The following MUC15 variants were observed in gnomAD, a reference collection of about 807,000 sequenced individuals.
MUC15 encodes mucin-15.
MUC15 carries 23 observed loss-of-function variants against 24.0 expected under a neutral mutation model. The ratio of observed to expected loss-of-function variants is 0.96; its 90% confidence interval spans 0.69 to 1.36. The LOEUF (loss-of-function observed/expected upper bound fraction) is 1.36. Among genes scored for constraint, MUC15 ranks in the 40% most tolerant of loss-of-function variants. MUC15 has a pLI of 0.00. For missense variants in MUC15, 442 were observed against 428.2 expected, an observed-to-expected ratio of 1.03 and a Z score of -0.29; for synonymous variants, 151 against 156.3, an observed-to-expected ratio of 0.97 and a Z score of 0.25.
chr11:26,563,161 C>T lies in MUC15; in HGVS notation c.880G>A (p.Asp294Asn). 6.2e-7 allele frequency: 1 copy of T among 1,612,142 alleles called. No homozygotes were observed. Among genetic ancestry groups the T allele is most frequent in the African/African-American group, 1.3e-5 (1 of 74,836 alleles). Residue 294 changes from aspartate (D) to asparagine (N), a missense_variant, in exon 4 of 5, where the codon GAT (aspartate) becomes AAT (asparagine). Transcript: ENST00000529533. ...GYLLCGKRKT[D>N]SFSHRRLYDD... ...TAAAGTCGCCGATGGGAAAATGAAT[C>T]CGTTTTCCTTTTTCCACACAACAAG...
chr11:26,561,274 T>C, intron 4 of MUC15, 49 bp from the exon 5 acceptor site: 1 of 1,424,370 alleles, frequency 7.0e-7, no homozygotes, highest in East Asian at 2.7e-5. Flanking sequence ...CTCTGAAAGA[T>C]TCATGTTCAG....
intron 3 of MUC15, among the ~76,000 whole-genome samples, chr11:26,564,732 CATATATAT>C (rs66510170): frequency 0.014 from 357 of 25,026 alleles, 1 homozygote; most frequent in Admixed American, 0.016. Flanking sequence ...CACACACACA[CATATATAT>C]ATATATATAT....
intron 1 of MUC15, 43 bp from the exon 2 acceptor site, chr11:26,567,182 C>T: frequency 1.6e-6 from 2 of 1,237,756 alleles, no homozygotes; most frequent in Non-Finnish European, 2.1e-6. Context: ...AGTCAACTGA[C>T]TCCAATCTCA....
Position 26,559,634 on chromosome 11 carries a change from A to G in MUC15, c.*1431T>C. The G allele has an allele frequency of 1.1e-6, 1 of 919,132 alleles. No homozygotes were observed. Among genetic ancestry groups the G allele is most frequent in the South Asian group, 1.3e-5 (1 of 74,410 alleles). The allele number at this position is 919,132 out of a possible 1,614,324, so 56.9% of individuals were successfully genotyped here. On this transcript the variant is annotated 3_prime_UTR_variant, in exon 5 of 5. Coordinates refer to ENST00000529533, the MANE Select transcript of MUC15 (RefSeq NM_001135091.2). ...ATAATATGATTCTATTTGAGAAAAA[A>G]TCATAGTACCTGAGTGCAAACAGTA... is the stretch of plus-strand genomic sequence containing the variant.
At position 26,561,111 on chromosome 11, in the gene MUC15, T is replaced by A; in HGVS notation, c.1040A>T (p.Asp347Val). The change falls in exon 5 of 5, where the codon GAT (aspartate) becomes GTT (valine). Residue 347 changes from aspartate to valine, a missense_variant. Transcript: ENST00000529533. ...AMPESEENAR[D>V]GIPMDDIPPL... Reference sequence around the variant, plus strand: ...AGGTATGTCATCCATAGGAATGCCATCACGTGCATTTTCTTCACTTTCTGG... The same window carrying A: ...AGGTATGTCATCCATAGGAATGCCAACACGTGCATTTTCTTCACTTTCTGG... 6.2e-7 allele frequency: 1 copy of A among 1,612,738 alleles called. No homozygotes were observed. The highest frequency in any genetic ancestry group is 8.5e-7 in the Non-Finnish European group (1 of 1,179,202).
At position 26,560,543 on chromosome 11, in the gene MUC15, C is replaced by T. The variant is rs1850247795; in HGVS notation, c.*522G>A. ...ATAACGTACTAGAATACAGGTCTGT[C>T]ATTTCTATTGCCTCAATTTCCCAAT... On this transcript the variant is annotated 3_prime_UTR_variant, in exon 5 of 5. Coordinates refer to ENST00000529533, the MANE Select transcript of MUC15 (RefSeq NM_001135091.2). The T allele has an allele frequency of 6.5e-6, 1 of 152,872 alleles. No individual in the cohort carries two copies. Among genetic ancestry groups the T allele is most frequent in the Non-Finnish European group, 1.5e-5 (1 of 68,522 alleles). 9.5% of individuals were successfully genotyped at this position (152,872 alleles called of 1,614,324 possible).
At chr11:26,571,134 T>C (rs1396035104) in intron 1 of MUC15, among the ~76,000 whole-genome samples, 1 of 152,100 alleles carries the variant, frequency 6.6e-6, no homozygotes, top group Non-Finnish European at 1.5e-5. Context: ...TTTTCAGTCA[T>C]AAAATTCAGT....
chr11:26,564,732 CATATATATATATATATATATATAT>C (rs66510170), intron 3 of MUC15, among the ~76,000 whole-genome samples: 430 of 25,390 alleles, frequency 0.017, 5 homozygotes, highest in Middle Eastern at 0.075. Flanking sequence ...CACACACACA[CATATATATATATATATATATATAT>C]ATATATATAT....
chr11:26,567,764 A>G (rs1850650854), intron 1 of MUC15, among the ~76,000 whole-genome samples: 1 of 152,020 alleles, frequency 6.6e-6, no homozygotes, highest in Non-Finnish European at 1.5e-5. Context: ...AAGAGCCTCA[A>G]ACCTAAGTGT....
chr11:26,561,482 G>T (rs1016108325), intron 4 of MUC15, among the ~76,000 whole-genome samples: 2 of 151,946 alleles, frequency 1.3e-5, no homozygotes, highest in Non-Finnish European at 2.9e-5. Context: ...GAAGAGACCA[G>T]TATAGTATAT....
rs753048316 is a variant in MUC15, at chr11:26,559,849, C to CACAT, written c.*1215_*1216insATGT. On this transcript the variant is annotated 3_prime_UTR_variant, in exon 5 of 5. Coordinates refer to ENST00000529533, the MANE Select transcript of MUC15 (RefSeq NM_001135091.2). ...TGTTTCTGTGTTACACACACACACA[C>CACAT]ACACACACACACACACACACACACA... 2.8e-3 allele frequency: 2,417 copies of CACAT among 857,754 alleles called. 4 individuals are homozygous for CACAT. Among genetic ancestry groups the CACAT allele is most frequent in the Middle Eastern group, 3.5e-3 (10 of 2,858 alleles). 53.1% of individuals were successfully genotyped at this position (857,754 alleles called of 1,614,324 possible). A position where few individuals can be genotyped will look rare whatever the true frequency, so the allele number is the denominator to read the frequency against.
Position 26,565,741 on chromosome 11 carries a change from T to A in MUC15, c.199A>T (p.Lys67Ter), listed in dbSNP as rs1226241683. Residue 67 changes from lysine to a stop codon, truncating the protein, a stop_gained, in exon 3 of 5, where the codon AAA becomes TAA. Coordinates refer to ENST00000529533, the MANE Select transcript of MUC15 (RefSeq NM_001135091.2). LOFTEE classifies it high-confidence loss of function. ...GAAATAGGTTTATTTTCCATTGTTT[T>A]AAAAACTTCTGCAATGTTCTGTGTT... ...NTTQNIAEVF[K>*]TMENKPISLE... 3 of 1,605,960 alleles carry A rather than the reference T, an allele frequency of 1.9e-6. No individual in the cohort carries two copies. In the African/African-American group the frequency reaches 4.0e-5, roughly 22 times the overall value.
intron 1 of MUC15, among the ~76,000 whole-genome samples, chr11:26,568,321 G>T (rs1850677638): frequency 6.6e-6 from 1 of 151,936 alleles, no homozygotes; most frequent in Admixed American, 6.6e-5. Flanking sequence ...ATGTGTCCAA[G>T]GACACACAGC....
Position 26,561,067 on chromosome 11 carries a change from A to T in MUC15, c.1084T>A (p.Ter362LysextTer2). 6.2e-7 allele frequency: 1 copy of T among 1,609,852 alleles called. No individual in the cohort carries two copies. The highest frequency in any genetic ancestry group is 8.5e-7 in the Non-Finnish European group (1 of 1,177,800). The change falls in exon 5 of 5, where the codon TAG (stop) becomes AAG (lysine). Residue 362 changes from the stop codon to lysine (K), a stop_lost. Transcript: ENST00000529533. ...DDIPPLRTSV* is the reference protein window; with the variant it reads ...DDIPPLRTSVK The stretch of plus-strand genomic sequence containing the variant: ...TTAACGCCTTTTTGCTGTTAGTTCT[A>T]TACAGAAGTACGAAGTGGAGGTATG...
At position 26,559,885 on chromosome 11, in the gene MUC15, A is replaced by T; in HGVS notation, c.*1180T>A. 1 of 820,858 alleles carries T rather than the reference A, an allele frequency of 1.2e-6. No homozygotes were observed. The highest frequency in any genetic ancestry group is 2.0e-6 in the Non-Finnish European group (1 of 496,916). 50.8% of individuals were successfully genotyped at this position (820,858 alleles called of 1,614,324 possible). A position where few individuals can be genotyped will look rare whatever the true frequency, so the allele number is the denominator to read the frequency against. On this transcript the variant is annotated 3_prime_UTR_variant, in exon 5 of 5. Transcript: ENST00000529533. ...ACACACACACACACACCATGAATCA[A>T]TTCAAAAATAAAGCCTCTAGGTTGG...
In MUC15 at chr11:26,559,140, TA is replaced by T. The variant is rs1423250775; in HGVS notation, c.*1924del. On this transcript the variant is annotated 3_prime_UTR_variant, in exon 5 of 5. Transcript: ENST00000529533. ...TATGAAGTTTCAGTTGATATCTGAT[TA>T]AAAAACACTTTGTTTCATAAGTGTT... The T allele has an allele frequency of 6.6e-6, 1 of 152,188 alleles. No individual in the cohort carries two copies. Among genetic ancestry groups the T allele is most frequent in the Non-Finnish European group, 1.5e-5 (1 of 68,070 alleles). The allele number at this position is 152,188 out of a possible 1,614,324, so 9.4% of individuals were successfully genotyped here.
chr11:26,561,567 ATGTTCAGAATTTGTCAC>A (rs569381450), intron 4 of MUC15, among the ~76,000 whole-genome samples: 6,471 of 152,066 alleles, frequency 0.043, 194 homozygotes, highest in Non-Finnish European at 0.067. Flanking sequence ...CCTTGTCAAC[ATGTTCAGAATTTGTCAC>A]TTCTGGTGTA....
chr11:26,563,083 G>A, intron 4 of MUC15, 33 bp downstream of exon 4: 1 of 1,605,532 alleles, frequency 6.2e-7, no homozygotes, highest in Non-Finnish European at 8.5e-7. Context: ...TAAAACCACT[G>A]TGCCCAGGTG....
chr11:26,563,379 T>C, intron 3 of MUC15, 114 bp from the exon 4 acceptor site: 1 of 1,093,276 alleles, frequency 9.1e-7, no homozygotes, highest in Non-Finnish European at 1.2e-6. Context: ...AATTAGATAA[T>C]GGTGTGTTTC....
Sources: allele counts gnomAD v4.1 joint callset (sites outside exome capture counted in the v4.1 genomes callset), GRCh38; gene constraint gnomAD v4.1.1; transcripts MANE v1.5; gene names NCBI Gene and HGNC (gene_info 2026-07-23, HGNC 2026-07-21).